The following SGCZ variants were observed in gnomAD, a reference collection of about 807,000 sequenced individuals.
SGCZ encodes the protein sarcoglycan zeta.
Under a neutral mutation model 41.3 loss-of-function variants are expected in SGCZ, and 40 were observed. That is an observed-to-expected ratio of 0.97 (90% CI 0.75 to 1.26). SGCZ has a LOEUF of 1.26. SGCZ is among the 50% of genes most tolerant of loss of function. SGCZ has a pLI of 0.00. For synonymous variants in SGCZ, 206 were observed against 137.5 expected, an observed-to-expected ratio of 1.50 and a Z score of -3.49; for missense variants, 552 against 369.8, an observed-to-expected ratio of 1.49 and a Z score of -4.04.
chr8:14,313,918 G>C (rs879872018), intron 3 of SGCZ, among the ~76,000 whole-genome samples: 3,424 of 75,784 alleles, frequency 0.045, 80 homozygotes, highest in African/African-American at 0.15. Context: ...CTCTGTGTGT[G>C]TGTGTGTGTG....
chr8:14,103,251 T>C (rs1382834536), intron 6 of SGCZ, among the ~76,000 whole-genome samples: 1 of 149,462 alleles, frequency 6.7e-6, no homozygotes, highest in African/African-American at 2.4e-5. Flanking sequence ...TTTCAAACTA[T>C]CTTCAAATAT....
chr8:14,928,894 A>C (rs750794395), intron 1 of SGCZ, among the ~76,000 whole-genome samples: 2 of 152,204 alleles, frequency 1.3e-5, no homozygotes, highest in Non-Finnish European at 2.9e-5. Context: ...CATCTCTCAA[A>C]TATTAAATTT....
chr8:14,132,999 T>C (rs1803088211), intron 5 of SGCZ, among the ~76,000 whole-genome samples: 2 of 152,162 alleles, frequency 1.3e-5, no homozygotes, highest in Middle Eastern at 3.2e-3. Flanking sequence ...TGCTAGGAGC[T>C]GTAACAATAA....
chr8:14,843,145 G>C (rs1028965848), intron 1 of SGCZ, among the ~76,000 whole-genome samples: 9 of 152,276 alleles, frequency 5.9e-5, no homozygotes, highest in African/African-American at 2.2e-4. Flanking sequence ...CCAGGAGGTG[G>C]AGGTTGCAGT....
At chr8:14,796,605 T>C (rs1054668080) in intron 1 of SGCZ, among the ~76,000 whole-genome samples, 1 of 152,164 alleles carries the variant, frequency 6.6e-6, no homozygotes, top group African/African-American at 2.4e-5. Context: ...TCATTCGGAA[T>C]CTGGTACCTT....
intron 4 of SGCZ, among the ~76,000 whole-genome samples, chr8:14,208,673 C>G (rs1805697610): frequency 1.3e-5 from 2 of 151,894 alleles, no homozygotes; most frequent in Admixed American, 1.3e-4. Flanking sequence ...ACTAGAAACA[C>G]TTAATTATAC....
chr8:14,645,816 C>A (rs1324222321), intron 1 of SGCZ, among the ~76,000 whole-genome samples: 3 of 151,690 alleles, frequency 2.0e-5, no homozygotes, highest in Non-Finnish European at 2.9e-5. Flanking sequence ...CAAATGCAGA[C>A]ATTCACAGCA....
chr8:14,188,226 A>C (rs1368506039), intron 4 of SGCZ, among the ~76,000 whole-genome samples: 1 of 152,242 alleles, frequency 6.6e-6, no homozygotes, highest in African/African-American at 2.4e-5. Context: ...TTCTGAAAGT[A>C]ATTCAAACTT....
intron 2 of SGCZ, among the ~76,000 whole-genome samples, chr8:14,413,338 T>A (rs1585475870): frequency 7.1e-6 from 1 of 141,442 alleles, no homozygotes; most frequent in East Asian, 2.0e-4. Context: ...CATACCTCAA[T>A]GATATCCTTA....
At chr8:14,148,894 A>G (rs143093336) in intron 5 of SGCZ, among the ~76,000 whole-genome samples, 1 of 152,126 alleles carries the variant, frequency 6.6e-6, no homozygotes, top group Non-Finnish European at 1.5e-5. Flanking sequence ...GCACAAACCA[A>G]TCGATGTGGT....
At chr8:14,344,526 A>T (rs1802824966) in intron 2 of SGCZ, among the ~76,000 whole-genome samples, 1 of 152,156 alleles carries the variant, frequency 6.6e-6, no homozygotes, top group African/African-American at 2.4e-5. Context: ...AACCTGAAAG[A>T]AATTAACGAC....
intron 3 of SGCZ, among the ~76,000 whole-genome samples, chr8:14,320,440 T>C (rs982396563): frequency 6.6e-6 from 1 of 150,742 alleles, no homozygotes; most frequent in Non-Finnish European, 1.5e-5. Context: ...ATTCTTTTAT[T>C]ATTATAATTA....
At chr8:14,941,475 G>A (rs1365634564) in intron 1 of SGCZ, among the ~76,000 whole-genome samples, 1 of 152,006 alleles carries the variant, frequency 6.6e-6, no homozygotes, top group East Asian at 1.9e-4. Flanking sequence ...AATACAAGTT[G>A]TAGAGTAACA....
chr8:14,436,135 A>G (rs758598371), intron 2 of SGCZ, among the ~76,000 whole-genome samples: 2 of 152,130 alleles, frequency 1.3e-5, no homozygotes, highest in Admixed American at 6.6e-5. Flanking sequence ...GCGAGAGAAT[A>G]AACACCGTGA....
chr8:14,574,212 C>T (rs1388321301), intron 1 of SGCZ, among the ~76,000 whole-genome samples: 4 of 152,026 alleles, frequency 2.6e-5, no homozygotes, highest in African/African-American at 7.2e-5. Context: ...GCTCAGAAAA[C>T]GATACTCCAA....
intron 2 of SGCZ, among the ~76,000 whole-genome samples, chr8:14,403,714 A>G (rs76606903): frequency 0.04 from 6,094 of 152,224 alleles, 384 homozygotes; most frequent in African/African-American, 0.14. Context: ...GGGGGTTCAA[A>G]AGAACAATTT....
chr8:14,710,369 C>CAAAAAAAAAAA (rs770994264), intron 1 of SGCZ, among the ~76,000 whole-genome samples: 3 of 92,430 alleles, frequency 3.2e-5, no homozygotes, highest in Non-Finnish European at 4.4e-5. Context: ...GACTCCGCAT[C>CAAAAAAAAAAA]AAAAAAAAAA....
chr8:14,338,629 T>C (rs1320865426), intron 2 of SGCZ, among the ~76,000 whole-genome samples: 1 of 152,242 alleles, frequency 6.6e-6, no homozygotes, highest in Non-Finnish European at 1.5e-5. Flanking sequence ...AAATGCCTAA[T>C]ACTTTTTAAA....
At chr8:14,303,269 G>A (rs113277479) in intron 3 of SGCZ, among the ~76,000 whole-genome samples, 4 of 152,150 alleles carry the variant, frequency 2.6e-5, no homozygotes, top group African/African-American at 7.2e-5. Flanking sequence ...ATAGTTAACC[G>A]TAAATAAAAC....
Sources: allele counts gnomAD v4.1 joint callset (sites outside exome capture counted in the v4.1 genomes callset), GRCh38; gene constraint gnomAD v4.1.1; transcripts MANE v1.5; gene names NCBI Gene and HGNC (gene_info 2026-07-23, HGNC 2026-07-21).